HGF: variants seen among roughly 807,000 people sequenced by gnomAD.
HGF encodes hepatocyte growth factor, also known as fibroblast-derived tumor cytotoxic factor.
In HGF, 39 loss-of-function variants were observed where a neutral mutation model predicts 111.6. That is an observed-to-expected ratio of 0.35 (90% CI 0.27 to 0.46). The LOEUF (loss-of-function observed/expected upper bound fraction) is 0.46, where lower values mean the gene tolerates loss of function less well. Ranked by LOEUF, HGF falls within the 20% of genes least tolerant of loss-of-function variation. The probability of loss-of-function intolerance (pLI) is 1.00; values close to 1 mark genes in which losing one functional copy is unlikely to be tolerated. For missense variants in HGF, 735 were observed against 910.5 expected, an observed-to-expected ratio of 0.81 and a Z score of 2.48; for synonymous variants, 285 against 294.8, an observed-to-expected ratio of 0.97 and a Z score of 0.34.
At chr7:81,764,667 T>A (rs1186404067) in intron 1 of HGF, among the ~76,000 whole-genome samples, 2 of 152,140 alleles carry the variant, frequency 1.3e-5, no homozygotes, top group Non-Finnish European at 2.9e-5. Context: ...AATTTGGATT[T>A]TTAAAAATGT....
chr7:81,735,682 G>A (rs1018233702), intron 7 of HGF, among the ~76,000 whole-genome samples: 2 of 151,968 alleles, frequency 1.3e-5, no homozygotes, highest in Non-Finnish European at 2.9e-5. Flanking sequence ...TGTTTCCAAT[G>A]GAAACATACC....
intron 6 of HGF, among the ~76,000 whole-genome samples, chr7:81,744,729 A>T (rs1195354840): frequency 1.3e-5 from 2 of 152,140 alleles, no homozygotes; most frequent in Non-Finnish European, 2.9e-5. Context: ...GTTCAGTACC[A>T]TGCTGATTTT....
chr7:81,751,622 TGTGCATGGGGTCAAGCTTCCA>T, intron 5 of HGF: 1 of 994,696 alleles, frequency 1.0e-6, no homozygotes, highest in Non-Finnish European at 1.2e-6. Context: ...TTCACCAAAA[TGTGCATGGGGTCAAGCTTCCA>T]GTGATCCCTT....
chr7:81,760,353 G>A (rs925318191), intron 2 of HGF, among the ~76,000 whole-genome samples: 1 of 152,110 alleles, frequency 6.6e-6, no homozygotes, highest in East Asian at 1.9e-4. Context: ...GGCATTCTTG[G>A]TCATCTTTCC....
intron 9 of HGF, among the ~76,000 whole-genome samples, chr7:81,723,774 A>T (rs1381417906): frequency 6.6e-6 from 1 of 150,836 alleles, no homozygotes; most frequent in Non-Finnish European, 1.5e-5. Flanking sequence ...ATGGAGAAGG[A>T]TAAGAGTAAC....
intron 1 of HGF, 172 bp from the exon 2 acceptor site, chr7:81,763,044 G>A (rs1162932328): frequency 1.0e-5 from 6 of 586,920 alleles, no homozygotes; most frequent in East Asian, 5.6e-5. Flanking sequence ...GAGAAAGAGA[G>A]GAATATTGTA....
intron 2 of HGF, among the ~76,000 whole-genome samples, chr7:81,761,361 C>T (rs992638659): frequency 6.6e-6 from 1 of 152,158 alleles, no homozygotes; most frequent in African/African-American, 2.4e-5. Flanking sequence ...CTTTCCTCAA[C>T]CTAAACCTGA....
At chr7:81,754,378 C>T (rs369778541) in intron 4 of HGF, among the ~76,000 whole-genome samples, 16 of 151,560 alleles carry the variant, frequency 1.1e-4, no homozygotes, top group African/African-American at 2.4e-4. Context: ...ACATGCACAC[C>T]GAAATACACA....
intron 12 of HGF, among the ~76,000 whole-genome samples, chr7:81,711,162 A>G (rs1363665738): frequency 6.6e-6 from 1 of 152,206 alleles, no homozygotes; most frequent in Non-Finnish European, 1.5e-5. Context: ...TTATTAAATC[A>G]TGGTATATAT....
chr7:81,757,037 A>C (rs1307355506), intron 4 of HGF, 152 bp downstream of exon 4: 1 of 639,406 alleles, frequency 1.6e-6, no homozygotes, highest in Non-Finnish European at 2.8e-6. Flanking sequence ...GCTAAATATC[A>C]GTCATGAATT....
chr7:81,762,725 C>T lies in HGF; in HGVS notation c.236G>A (p.Gly79Glu), dbSNP rs1221162897. The change falls in exon 2 of 18, where the codon GGA becomes GAA. Residue 79 changes from glycine (G) to glutamate (E), a missense_variant. By Grantham distance (98) the Gly-to-Glu change is moderately conservative (BLOSUM62 -2). Coordinates refer to ENST00000222390, the MANE Select transcript of HGF (RefSeq NM_000601.6). ...AACTTACTTGCAAGTGAATGGAAGT[C>T]CTTTATTCCTAGTACATCTATTAGC... The part of the protein sequence containing the change: ...QCANRCTRNK[G>E]LPFTCKAFVF... 3 of 1,612,604 alleles carry T rather than the reference C, an allele frequency of 1.9e-6. No individual in the cohort carries two copies. Among genetic ancestry groups the T allele is most frequent in the African/African-American group, 2.7e-5 (2 of 74,872 alleles).
chr7:81,754,197 C>T (rs1788645864), intron 4 of HGF, among the ~76,000 whole-genome samples: 1 of 151,910 alleles, frequency 6.6e-6, no homozygotes. Context: ...AATTTATTTA[C>T]TCCCTGGGTT....
intron 17 of HGF, 60 bp from the exon 18 acceptor site, chr7:81,702,817 A>G (rs1184067972): frequency 3.7e-6 from 5 of 1,333,416 alleles, no homozygotes; most frequent in Non-Finnish European, 5.4e-6. Context: ...GCTCATTAAC[A>G]TAATCATATA....
intron 7 of HGF, among the ~76,000 whole-genome samples, chr7:81,735,318 G>A (rs1787790925): frequency 6.6e-6 from 1 of 151,978 alleles, no homozygotes; most frequent in South Asian, 2.1e-4. Flanking sequence ...TTCATGAAAG[G>A]TCTTCAATTC....
chr7:81,741,939 A>C (rs1788022241), intron 7 of HGF, among the ~76,000 whole-genome samples: 1 of 11,648 alleles, frequency 8.6e-5, no homozygotes, highest in Admixed American at 1.3e-3. Context: ...ACTCCATCTC[A>C]AAAAAAAAAA....
At chr7:81,756,081 AGCATGGGTTCTACTGACCG>A in intron 4 of HGF, 1 of 701,440 alleles carries the variant, frequency 1.4e-6, no homozygotes, top group East Asian at 2.7e-5. Flanking sequence ...AACAAATCAC[AGCATGGGTTCTACTGACCG>A]GCCAAATGTG....
intron 12 of HGF, among the ~76,000 whole-genome samples, chr7:81,711,232 C>T (rs879893293): frequency 2.3e-4 from 35 of 152,064 alleles, no homozygotes; most frequent in African/African-American, 8.0e-4. Flanking sequence ...ACACTCTTTT[C>T]GAAATCACAT....
At chr7:81,714,829 C>A (rs1789668458) in intron 11 of HGF, among the ~76,000 whole-genome samples, 1 of 151,716 alleles carries the variant, frequency 6.6e-6, no homozygotes, top group South Asian at 2.1e-4. Flanking sequence ...ATATTATCAC[C>A]CTTTCACCAG....
chr7:81,729,911 G>T (rs564610464), intron 7 of HGF, 132 bp from the exon 8 acceptor site: 166 of 682,662 alleles, frequency 2.4e-4, no homozygotes, highest in Non-Finnish European at 3.5e-4. Flanking sequence ...TATAATAATT[G>T]AGTGGAATAA....
Sources: gnomAD v4.1 joint callset for allele counts (sites outside exome capture counted in the v4.1 genomes callset) on GRCh38, gnomAD v4.1.1 for gene constraint, MANE v1.5 for transcripts, NCBI Gene and HGNC (gene_info 2026-07-23, HGNC 2026-07-21) for gene names.